The following SLC9B1 variants were observed in gnomAD, a reference collection of about 807,000 sequenced individuals.
The protein encoded by SLC9B1 is solute carrier family 9 member B1, also known as sodium/hydrogen exchanger 9B1.
SLC9B1 carries 32 observed loss-of-function variants against 51.7 expected under a neutral mutation model. That is an observed-to-expected ratio of 0.62 (90% CI 0.47 to 0.83). The LOEUF is 0.83. SLC9B1 is among the 40% of genes least tolerant of loss of function. The pLI is 0.00. For synonymous variants in SLC9B1, 145 were observed against 212.7 expected (o/e 0.68, Z 2.77); for missense variants, 406 against 613.2 (o/e 0.66, Z 3.57).
At chr4:102,966,116 T>C (rs764507453) in intron 3 of SLC9B1, among the ~76,000 whole-genome samples, 3 of 152,228 alleles carry the variant, frequency 2.0e-5, no homozygotes, top group Non-Finnish European at 4.4e-5. Context: ...GGTTGTATGG[T>C]GGCAATGGCT....
chr4:102,906,720 C>CT (rs199755323), intron 9 of SLC9B1, 76 bp from the exon 10 acceptor site: 7,371 of 440,360 alleles, frequency 0.017, 2 homozygotes, highest in Middle Eastern at 0.02. Context: ...CTTCCCCCCC[C>CT]TTTTTTTTTT....
chr4:102,965,276 G>C (rs906346963), intron 3 of SLC9B1, among the ~76,000 whole-genome samples: 1 of 152,118 alleles, frequency 6.6e-6, no homozygotes, highest in Admixed American at 6.6e-5. Flanking sequence ...AGTTCAAGAA[G>C]CATGGCACCA....
chr4:102,982,742 C>T (rs1739423710), intron 3 of SLC9B1, among the ~76,000 whole-genome samples: 1 of 152,174 alleles, frequency 6.6e-6, no homozygotes, highest in Admixed American at 6.6e-5. Context: ...CTTGTACCTG[C>T]CATCTTACTC....
chr4:102,989,977 CT>C, intron 2 of SLC9B1, 36 bp from the exon 3 acceptor site: 1 of 1,513,374 alleles, frequency 6.6e-7, no homozygotes, highest in Non-Finnish European at 8.9e-7. Context: ...AGGAACCATA[CT>C]TTCTGTATAA....
Position 103,007,969 on chromosome 4 carries a change from TA to T in SLC9B1, c.-2+11629del, listed in dbSNP as rs1278802846. ...CAAATATGAGTTGACTGGATAAGTTTATTAGAAATTATGGCCTGCTTTTTGT... is the reference window on the plus strand; with the variant it reads ...CAAATATGAGTTGACTGGATAAGTTTTTAGAAATTATGGCCTGCTTTTTGT... On this transcript the variant is annotated intron_variant, in intron 1 of 11. Transcript: ENST00000296422. 4.6e-5 allele frequency among the ~76,000 whole-genome samples: 7 copies of T among 152,324 alleles called. No individual in the cohort carries two copies. The South Asian group carries it at 1.0e-3, about 23-fold the overall frequency.
At chr4:102,890,799 C>T (rs1031111432) in intron 11 of SLC9B1, 3 of 140,336 alleles carry the variant, frequency 2.1e-5, no homozygotes, top group Non-Finnish European at 4.5e-5. Context: ...AAGATTGTGC[C>T]ACTGCACTCC....
intron 1 of SLC9B1, among the ~76,000 whole-genome samples, chr4:102,995,373 T>C (rs1740160932): frequency 6.6e-6 from 1 of 152,114 alleles, no homozygotes. Context: ...GGAGAAGCTG[T>C]GAGTCATAAG....
At chr4:102,958,632 C>T (rs1292873593) in intron 3 of SLC9B1, among the ~76,000 whole-genome samples, 1 of 151,938 alleles carries the variant, frequency 6.6e-6, no homozygotes, top group Non-Finnish European at 1.5e-5. Context: ...AAAAAGTAAG[C>T]CCCAGAGAGG....
chr4:102,919,511 C>T (rs1578345570), intron 7 of SLC9B1, among the ~76,000 whole-genome samples: 1 of 152,284 alleles, frequency 6.6e-6, no homozygotes, highest in East Asian at 1.9e-4. Flanking sequence ...CAGGTGATTT[C>T]TGCACTTCCA....
At chr4:102,962,402 A>C (rs924481798) in intron 3 of SLC9B1, 4 of 533,634 alleles carry the variant, frequency 7.5e-6, no homozygotes, top group Non-Finnish European at 1.5e-5. Context: ...GAATCTGAGG[A>C]CCATTATTTT....
At chr4:102,921,574 C>A (rs535502279) in intron 7 of SLC9B1, among the ~76,000 whole-genome samples, 1 of 152,028 alleles carries the variant, frequency 6.6e-6, no homozygotes, top group Admixed American at 6.6e-5. Flanking sequence ...TAACCATAAA[C>A]GTAAATGGGC....
chr4:102,985,093 T>A (rs1739545808), intron 3 of SLC9B1, among the ~76,000 whole-genome samples: 1 of 152,236 alleles, frequency 6.6e-6, no homozygotes, highest in South Asian at 2.1e-4. Flanking sequence ...TTATTCCTGA[T>A]AACACTCATT....
At chr4:102,986,002 TTAGA>T (rs1739598127) in intron 3 of SLC9B1, among the ~76,000 whole-genome samples, 1 of 152,212 alleles carries the variant, frequency 6.6e-6, no homozygotes, top group South Asian at 2.1e-4. Flanking sequence ...TTGTTATCTA[TTAGA>T]TAAATTAAGA....
chr4:102,946,791 T>C lies in SLC9B1; in HGVS notation c.383-2A>G. The C allele has an allele frequency of 1.9e-6, 3 of 1,576,446 alleles. No homozygotes were observed. Among genetic ancestry groups the C allele is most frequent in the Non-Finnish European group, 2.6e-6 (3 of 1,168,638 alleles). ...TCGTAAAACCAGCCAGTAACATCCCTTAAAAGAAAGAAAATAAAGATACAT... is the reference window on the plus strand; with the variant it reads ...TCGTAAAACCAGCCAGTAACATCCCCTAAAAGAAAGAAAATAAAGATACAT... On this transcript the variant is annotated splice_acceptor_variant, in intron 4 of 11. Transcript: ENST00000296422. LOFTEE classifies it high-confidence loss of function.
intron 1 of SLC9B1, among the ~76,000 whole-genome samples, chr4:103,018,409 A>C (rs1380768741): frequency 6.6e-6 from 1 of 152,234 alleles, no homozygotes; most frequent in African/African-American, 2.4e-5. Context: ...AGTTAAAAAA[A>C]ATTCTGGTAC....
At chr4:102,920,458 A>T (rs902870502) in intron 7 of SLC9B1, among the ~76,000 whole-genome samples, 1 of 152,266 alleles carries the variant, frequency 6.6e-6, no homozygotes, top group African/African-American at 2.4e-5. Context: ...GGGATAAACC[A>T]GAGCAGAAAA....
At position 102,888,689 on chromosome 4, in the gene SLC9B1, T is replaced by C. The variant is rs531693287; in HGVS notation, c.1333-3361A>G. ...GGCACAGGCCTGTAGTCCCAACTGC[T>C]GGGAAGATTGAGGTGGGAGGATGGC... On this transcript the variant is annotated intron_variant, in intron 11 of 11. Transcript: ENST00000394789. 2.6e-5 allele frequency: 4 copies of C among 152,390 alleles called. No individual in the cohort carries two copies. In the East Asian group the frequency reaches 7.7e-4, roughly 29 times the overall value. The allele number at this position is 152,390 out of a possible 1,614,324, so 9.4% of individuals were successfully genotyped here. A position where few individuals can be genotyped will look rare whatever the true frequency, so the allele number is the denominator to read the frequency against.
intron 3 of SLC9B1, among the ~76,000 whole-genome samples, chr4:102,982,009 T>C (rs1019931369): frequency 2.0e-5 from 3 of 152,162 alleles, no homozygotes; most frequent in Admixed American, 2.0e-4. Flanking sequence ...TATGTTACCA[T>C]CTACATTTAT....
chr4:102,981,498 G>C (rs193194243), intron 3 of SLC9B1, among the ~76,000 whole-genome samples: 1 of 152,200 alleles, frequency 6.6e-6, no homozygotes, highest in Middle Eastern at 3.4e-3. Context: ...CTGTTGCTCC[G>C]TACCCTTGCC....
Sources: allele counts gnomAD v4.1 joint callset (sites outside exome capture counted in the v4.1 genomes callset), GRCh38; gene constraint gnomAD v4.1.1; transcripts MANE v1.5; gene names NCBI Gene and HGNC (gene_info 2026-07-23, HGNC 2026-07-21).